The following RSPRY1 variants were observed in gnomAD, a reference collection of about 807,000 sequenced individuals.
RSPRY1 encodes ring finger and SPRY domain containing 1.
Under a neutral mutation model 73.1 loss-of-function variants are expected in RSPRY1, and 23 were observed. The ratio of observed to expected loss-of-function variants is 0.31; its 90% confidence interval spans 0.23 to 0.45. RSPRY1 has a LOEUF of 0.45. RSPRY1 is among the 20% of genes least tolerant of loss of function. The probability of loss-of-function intolerance (pLI) is 1.00; values close to 1 mark genes in which losing one functional copy is unlikely to be tolerated. For missense variants in RSPRY1, 448 were observed against 698.7 expected, an observed-to-expected ratio of 0.64 and a Z score of 4.05; for synonymous variants, 226 against 251.4, an observed-to-expected ratio of 0.90 and a Z score of 0.95.
At chr16:57,186,305 G>A (rs758399727), upstream of RSPRY1, 4 of 338,164 alleles carry the variant, frequency 1.2e-5, no homozygotes, top group Non-Finnish European at 1.7e-5. Flanking sequence ...AGGGAGGGCT[G>A]GGGCGGTACG....
Position 57,202,881 on chromosome 16 carries a change from TATA to T in RSPRY1, c.-155-1622_-155-1620del, listed in dbSNP as rs2074648880. On this transcript the variant is annotated intron_variant, in intron 1 of 14. Coordinates refer to ENST00000394420, the MANE Select transcript of RSPRY1 (RefSeq NM_133368.3). The stretch of plus-strand genomic sequence containing the variant: ...ATATATATTTTATTACATATGATTA[TATA>T]TATATATATATATATATATATATCT... 2.5e-4 allele frequency among the ~76,000 whole-genome samples: 7 copies of T among 28,486 alleles called. No homozygotes were observed. In the East Asian group the frequency reaches 4.1e-3, roughly 17 times the overall value. The allele number at this position is 28,486 out of a possible 152,430, so 18.7% of individuals were successfully genotyped here.
chr16:57,196,034 A>AAAAAAAT (rs1555499007), intron 1 of RSPRY1, among the ~76,000 whole-genome samples: 1 of 122,816 alleles, frequency 8.1e-6, no homozygotes, highest in African/African-American at 3.0e-5. Context: ...AAAAAAAAAA[A>AAAAAAAT]ATATATATAT....
chr16:57,208,145 AATAT>A (rs765023048), intron 3 of RSPRY1, 35 bp downstream of exon 3: 8 of 1,264,414 alleles, frequency 6.3e-6, no homozygotes, highest in Non-Finnish European at 8.9e-6. Flanking sequence ...CTTTATAATG[AATAT>A]ATAATAATGA....
chr16:57,187,816 G>T (rs1401858958), intron 1 of RSPRY1, among the ~76,000 whole-genome samples: 1 of 152,140 alleles, frequency 6.6e-6, no homozygotes, highest in Non-Finnish European at 1.5e-5. Context: ...TGCTTAGATG[G>T]GGATGGTGGG....
chr16:57,234,177 A>AG (rs2075268379), intron 13 of RSPRY1, among the ~76,000 whole-genome samples: 1 of 152,060 alleles, frequency 6.6e-6, no homozygotes, highest in African/African-American at 2.4e-5. Context: ...GAAACACACC[A>AG]GGCCTATGAT....
At position 57,201,024 on chromosome 16, in the gene RSPRY1, T is replaced by A. The variant is rs559245144; in HGVS notation, c.-155-3480T>A. Among the ~76,000 whole-genome samples, 339 of 77,990 alleles carry A rather than the reference T, an allele frequency of 4.3e-3. 1 individual carries two copies. Among genetic ancestry groups the A allele is most frequent in the African/African-American group, 0.015 (313 of 20,650 alleles). 51.2% of individuals were successfully genotyped at this position (77,990 alleles called of 152,430 possible). On this transcript the variant is annotated intron_variant, in intron 1 of 14. Transcript: ENST00000394420. ...CGGGCGGGGGGCTGACCCCCCCACC[T>A]CCCTCCCGGATGGGCGGCTGGCCGG...
chr16:57,198,721 GT>G (rs751699743), intron 1 of RSPRY1, among the ~76,000 whole-genome samples: 1 of 152,084 alleles, frequency 6.6e-6, no homozygotes, highest in Non-Finnish European at 1.5e-5. Context: ...TTTTTAGTAC[GT>G]GATTAGTCTC....
intron 1 of RSPRY1, among the ~76,000 whole-genome samples, chr16:57,202,944 C>G (rs918466471): frequency 7.4e-6 from 1 of 134,940 alleles, no homozygotes; most frequent in East Asian, 2.4e-4. Context: ...TCTTTTTCTT[C>G]TATGTTTTCC....
intron 8 of RSPRY1, 45 bp from the exon 9 acceptor site, chr16:57,220,687 C>T (rs780369441): frequency 8.3e-6 from 11 of 1,321,172 alleles, no homozygotes; most frequent in African/African-American, 1.4e-5. Context: ...CTTCTTTTCT[C>T]CACAGCAGCC....
intron 13 of RSPRY1, among the ~76,000 whole-genome samples, chr16:57,231,653 A>C (rs2075222469): frequency 6.6e-6 from 1 of 152,236 alleles, no homozygotes; most frequent in Admixed American, 6.5e-5. Context: ...GAGATAAATA[A>C]GATTGGTATA....
intron 1 of RSPRY1, among the ~76,000 whole-genome samples, chr16:57,202,445 T>C (rs2146230315): frequency 6.6e-6 from 1 of 152,366 alleles, no homozygotes; most frequent in South Asian, 2.1e-4. Flanking sequence ...TAAAGAATTA[T>C]TCCTATTTCT....
chr16:57,204,541 A>G lies in RSPRY1; in HGVS notation c.-118A>G. 1.2e-6 allele frequency: 1 copy of G among 836,650 alleles called. No individual in the cohort carries two copies. 51.8% of individuals were successfully genotyped at this position (836,650 alleles called of 1,614,324 possible). On this transcript the variant is annotated 5_prime_UTR_variant, in exon 2 of 15. The change creates a new upstream start codon in the 5' untranslated region. Coordinates refer to ENST00000394420, the MANE Select transcript of RSPRY1 (RefSeq NM_133368.3). ...ATGTCCAGAATCCCCTGTAGTTGAT[A>G]ATGTTGGGAATAAGCTCTGCAACTT... is the stretch of plus-strand genomic sequence containing the variant.
Position 57,213,918 on chromosome 16 carries a change from G to A in RSPRY1, c.674G>A (p.Gly225Glu). 1 of 1,608,720 alleles carries A rather than the reference G, an allele frequency of 6.2e-7. No individual in the cohort carries two copies. Among genetic ancestry groups the A allele is most frequent in the East Asian group, 2.2e-5 (1 of 44,854 alleles). The change falls in exon 6 of 15, where the codon GGA becomes GAA. Residue 225 changes from glycine (G) to glutamate (E), a missense_variant. Coordinates refer to ENST00000394420, the MANE Select transcript of RSPRY1 (RefSeq NM_133368.3). ...GPASIGLLSP[G>E]ILEYLLQCLK... ...GCAAGTATAGGTTTACTTAGCCCAG[G>A]AATACTGGAATACTTGCTACAGTGT...
chr16:57,200,410 G>A (rs1455336139), intron 1 of RSPRY1, among the ~76,000 whole-genome samples: 1 of 152,102 alleles, frequency 6.6e-6, no homozygotes, highest in African/African-American at 2.4e-5. Flanking sequence ...CATTCTCAAT[G>A]AGCTGTTGAG....
In RSPRY1 at chr16:57,235,195, T is replaced by C; in HGVS notation, c.1601T>C (p.Val534Ala). The C allele has an allele frequency of 6.2e-7, 1 of 1,614,020 alleles. No individual in the cohort carries two copies. The highest frequency in any genetic ancestry group is 8.5e-7 in the Non-Finnish European group (1 of 1,179,876). Residue 534 changes from valine (V) to alanine (A), a missense_variant, in exon 14 of 15, where the codon GTA becomes GCA. Coordinates refer to ENST00000394420, the MANE Select transcript of RSPRY1 (RefSeq NM_133368.3). Reference sequence around the variant, plus strand: ...TGCTGTTCCCTTTGTTGTGATGAGGTAGCAGACACACAATTGAAGCCATGT... The same window carrying C: ...TGCTGTTCCCTTTGTTGTGATGAGGCAGCAGACACACAATTGAAGCCATGT... Reference protein sequence around the residue: ...ENCCSLCCDEVADTQLKPCGH... With the variant: ...ENCCSLCCDEAADTQLKPCGH...
rs1250882673 is a variant in RSPRY1, at chr16:57,200,408, A to G, written c.-155-4096A>G. Among the ~76,000 whole-genome samples, 7 of 152,096 alleles carry G rather than the reference A, an allele frequency of 4.6e-5. No individual in the cohort carries two copies. In the East Asian group the frequency reaches 1.4e-3, roughly 29 times the overall value. ...CCATTGTCATCATAGCCCATTCTCA[A>G]TGAGCTGTTGAGTACATCTCCCAGA... On this transcript the variant is annotated intron_variant, in intron 1 of 14. Transcript: ENST00000394420.
At chr16:57,210,957 G>A (rs1423113412) in intron 4 of RSPRY1, among the ~76,000 whole-genome samples, 3 of 152,120 alleles carry the variant, frequency 2.0e-5, no homozygotes, top group African/African-American at 7.2e-5. Context: ...GGTCGAGATT[G>A]CAGTGAGACA....
intron 2 of RSPRY1, among the ~76,000 whole-genome samples, chr16:57,205,863 T>C (rs2074715088): frequency 6.6e-6 from 1 of 152,260 alleles, no homozygotes; most frequent in Non-Finnish European, 1.5e-5. Context: ...TGGAGCTTTG[T>C]ACTTAACAGT....
At chr16:57,232,385 G>A (rs1399030351) in intron 13 of RSPRY1, among the ~76,000 whole-genome samples, 2 of 152,168 alleles carry the variant, frequency 1.3e-5, no homozygotes, top group Non-Finnish European at 2.9e-5. Context: ...AATAGCCCAA[G>A]AACATAAGGG....
Sources: allele counts gnomAD v4.1 joint callset (sites outside exome capture counted in the v4.1 genomes callset), GRCh38; gene constraint gnomAD v4.1.1; transcripts MANE v1.5; gene names NCBI Gene and HGNC (gene_info 2026-07-23, HGNC 2026-07-21).